The following KCNN2 variants were observed in gnomAD, a reference collection of about 807,000 sequenced individuals.
The protein encoded by KCNN2 is potassium calcium-activated channel subfamily N member 2, also known as small conductance calcium-activated potassium channel protein 2.
Under a neutral mutation model 55.5 loss-of-function variants are expected in KCNN2, and 24 were observed. The ratio of observed to expected loss-of-function variants is 0.43; its 90% CI spans 0.31 to 0.61. The LOEUF is 0.61. KCNN2 is among the 20% of genes least tolerant of loss of function. The pLI is 0.08. For synonymous variants in KCNN2, 431 were observed against 336.1 expected (o/e 1.28, Z -3.09); for missense variants, 754 against 853.6 (o/e 0.88, Z 1.45).
At chr5:114,439,632 G>A (rs1045421360) in intron 3 of KCNN2, among the ~76,000 whole-genome samples, 2 of 152,052 alleles carry the variant, frequency 1.3e-5, no homozygotes, top group African/African-American at 4.8e-5. Flanking sequence ...GCACCGCCAA[G>A]GTTAAGAACC....
At chr5:114,228,788 G>A (rs1006375666) in intron 2 of KCNN2, among the ~76,000 whole-genome samples, 2 of 151,860 alleles carry the variant, frequency 1.3e-5, no homozygotes, top group African/African-American at 4.8e-5. Context: ...TTTAATAGTG[G>A]CTTTTGGATT....
intron 3 of KCNN2, among the ~76,000 whole-genome samples, chr5:114,446,771 AT>A (rs761899651): frequency 6.6e-5 from 10 of 152,084 alleles, no homozygotes; most frequent in Non-Finnish European, 1.2e-4. Context: ...TTTAAATTTA[AT>A]TTTAATTGCC....
At chr5:114,485,633 AC>A (rs1247730734) in intron 5 of KCNN2, among the ~76,000 whole-genome samples, 1 of 152,110 alleles carries the variant, frequency 6.6e-6, no homozygotes, top group Non-Finnish European at 1.5e-5. Context: ...CAGTGCTGGC[AC>A]TTGGCTTCTG....
At chr5:114,255,620 C>A (rs4610451) in intron 2 of KCNN2, among the ~76,000 whole-genome samples, 2 of 152,000 alleles carry the variant, frequency 1.3e-5, no homozygotes, top group Non-Finnish European at 2.9e-5. Context: ...AAGGAACCAT[C>A]GTATACAAGG....
At chr5:114,442,943 C>A (rs921489286) in intron 3 of KCNN2, among the ~76,000 whole-genome samples, 1 of 151,108 alleles carries the variant, frequency 6.6e-6, no homozygotes, top group Non-Finnish European at 1.5e-5. Flanking sequence ...TTTAGAGGGA[C>A]CTCATGCCAG....
At chr5:114,436,719 A>G (rs1377465419) in intron 3 of KCNN2, among the ~76,000 whole-genome samples, 1 of 152,326 alleles carries the variant, frequency 6.6e-6, no homozygotes. Context: ...GAAAGGGAAA[A>G]AATCGATGAA....
At chr5:114,449,984 T>G (rs1760600874) in intron 3 of KCNN2, among the ~76,000 whole-genome samples, 1 of 152,048 alleles carries the variant, frequency 6.6e-6, no homozygotes, top group South Asian at 2.1e-4. Flanking sequence ...CTGCAGGGTA[T>G]TCCCACAACA....
chr5:114,192,839 G>A (rs980050173), intron 1 of KCNN2, among the ~76,000 whole-genome samples: 2 of 152,072 alleles, frequency 1.3e-5, no homozygotes, highest in Non-Finnish European at 2.9e-5. Flanking sequence ...AGCTTCTGCT[G>A]TGGGCTGTTC....
At chr5:114,229,365 A>G (rs1336388423) in intron 2 of KCNN2, among the ~76,000 whole-genome samples, 2 of 151,962 alleles carry the variant, frequency 1.3e-5, no homozygotes, top group African/African-American at 4.8e-5. Flanking sequence ...TTCAGATACA[A>G]TAATTATATC....
intron 1 of KCNN2, among the ~76,000 whole-genome samples, chr5:114,172,856 G>T (rs1483919707): frequency 6.6e-6 from 1 of 151,722 alleles, no homozygotes; most frequent in Non-Finnish European, 1.5e-5. Flanking sequence ...TGGGCAGTTT[G>T]CAAATATTTT....
chr5:114,418,896 G>A lies in KCNN2; in HGVS notation c.1637+14040G>A, dbSNP rs563938425. ...CTAATTCCCACCAACTGCCTCTGGG[G>A]AAAAAAAGGATCATGAGTTTTAAAC... On this transcript the variant is annotated intron_variant, in intron 3 of 7. Transcript: ENST00000673685. Among the ~76,000 whole-genome samples, 17 of 152,048 alleles carry A rather than the reference G, an allele frequency of 1.1e-4. No individual in the cohort carries two copies. The East Asian group carries it at 3.3e-3, about 29-fold the overall frequency.
At chr5:114,104,598 T>C (rs1390222072) in intron 1 of KCNN2, among the ~76,000 whole-genome samples, 1 of 152,010 alleles carries the variant, frequency 6.6e-6, no homozygotes, top group Non-Finnish European at 1.5e-5. Flanking sequence ...ATAAACTAGT[T>C]GACAAGACAA....
At chr5:114,295,090 G>T (rs563306488) in intron 2 of KCNN2, among the ~76,000 whole-genome samples, 4 of 152,106 alleles carry the variant, frequency 2.6e-5, no homozygotes, top group African/African-American at 7.2e-5. Flanking sequence ...GTACCTGGCC[G>T]TGTGAGGTGT....
chr5:114,321,430 G>GT lies in KCNN2; in HGVS notation c.-184-39515_-184-39514insT, dbSNP rs1358737729. 7.9e-5 allele frequency among the ~76,000 whole-genome samples: 12 copies of GT among 152,244 alleles called. No individual in the cohort carries two copies. The East Asian group carries it at 1.2e-3, about 15-fold the overall frequency. ...GGAACTGTGGTGCAGGTTGGGGGTT[G>GT]AAGGATATACAGATCTCCTCATCTG... On this transcript the variant is annotated intron_variant, in intron 2 of 10. Transcript: ENST00000512097.
intron 2 of KCNN2, among the ~76,000 whole-genome samples, chr5:114,255,673 A>G (rs1437240445): frequency 2.0e-5 from 3 of 152,150 alleles, no homozygotes; most frequent in Non-Finnish European, 2.9e-5. Flanking sequence ...TAGTAGGAGA[A>G]GAGTTGTAGA....
intron 1 of KCNN2, among the ~76,000 whole-genome samples, chr5:114,126,914 C>T (rs769427444): frequency 3.3e-5 from 5 of 152,126 alleles, no homozygotes; most frequent in East Asian, 3.9e-4. Context: ...ATTGGCTCCA[C>T]GCAAGTCCAG....
At chr5:114,333,578 G>A (rs932605373) in intron 2 of KCNN2, among the ~76,000 whole-genome samples, 1 of 151,006 alleles carries the variant, frequency 6.6e-6, no homozygotes, top group Non-Finnish European at 1.5e-5. Context: ...CTACATTTCT[G>A]TAGATGGCAG....
chr5:114,297,168 A>G (rs1324446673), intron 2 of KCNN2, among the ~76,000 whole-genome samples: 1 of 152,098 alleles, frequency 6.6e-6, no homozygotes, highest in Admixed American at 6.6e-5. Context: ...TCAAAATTTT[A>G]AAACTGTGGC....
chr5:114,326,969 C>T (rs961878346), intron 2 of KCNN2, among the ~76,000 whole-genome samples: 3 of 152,124 alleles, frequency 2.0e-5, no homozygotes, highest in Non-Finnish European at 2.9e-5. Flanking sequence ...CCACCTGGCT[C>T]CTCCTATCAA....
Sources: allele counts gnomAD v4.1 joint callset (sites outside exome capture counted in the v4.1 genomes callset), GRCh38; gene constraint gnomAD v4.1.1; transcripts MANE v1.5; gene names NCBI Gene and HGNC (gene_info 2026-07-23, HGNC 2026-07-21).